Variants in ADAM7 observed in about 807,000 individuals in gnomAD.
ADAM7 encodes disintegrin and metalloproteinase domain-containing protein 7.
Under a neutral mutation model 102.9 loss-of-function variants are expected in ADAM7, and 97 were observed. The ratio of observed to expected loss-of-function variants is 0.94; its 90% CI spans 0.80 to 1.12. The LOEUF (loss-of-function observed/expected upper bound fraction) is 1.12, where lower values mean the gene tolerates loss of function less well. ADAM7 is among the 50% of genes most tolerant of loss of function. The pLI is 0.00. For missense variants in ADAM7, 991 were observed against 908.7 expected (o/e 1.09, Z -1.16); for synonymous variants, 334 against 304.4 (o/e 1.10, Z -1.01).
At chr8:24,502,416 TATC>T (rs1174849436) in intron 20 of ADAM7, among the ~76,000 whole-genome samples, 2 of 151,726 alleles carry the variant, frequency 1.3e-5, no homozygotes, top group African/African-American at 2.4e-5. Flanking sequence ...AAAAAGTAAA[TATC>T]AGATTGATCA....
Position 24,490,867 on chromosome 8 carries a change from A to G in ADAM7, c.1335A>G (p.Gly445=). 6.2e-7 allele frequency: 1 copy of G among 1,613,652 alleles called. No homozygotes were observed. The highest frequency in any genetic ancestry group is 8.5e-7 in the Non-Finnish European group (1 of 1,179,720). ...VLKPGFTCAE[G]ECCESCQIKK... The stretch of plus-strand genomic sequence containing the variant: ...AGCCAGGATTTACTTGTGCAGAAGG[A>G]GAATGCTGTGAATCTTGTCAGGTAA... Residue 445 remains glycine (G), a synonymous_variant, in exon 13 of 22, where the codon GGA becomes GGG. Coordinates refer to ENST00000175238, the MANE Select transcript of ADAM7 (RefSeq NM_003817.4).
At chr8:24,498,977 CTAA>C (rs1392974996) in intron 16 of ADAM7, among the ~76,000 whole-genome samples, 2 of 151,928 alleles carry the variant, frequency 1.3e-5, no homozygotes, top group African/African-American at 2.4e-5. Context: ...ATTTTAATAA[CTAA>C]TGAGTTTAAA....
intron 8 of ADAM7, among the ~76,000 whole-genome samples, chr8:24,477,569 A>AGTGTGTGAGTGTGTGTGTGTGTGTGTGT (rs60219377): frequency 2.1e-5 from 3 of 145,570 alleles, no homozygotes; most frequent in African/African-American, 5.1e-5. Context: ...TACCCTCATC[A>AGTGTGTGAGTGTGTGTGTGTGTGTGTGT]GTGTGTGTGT....
chr8:24,507,362 A>G (rs1820986390), intron 20 of ADAM7, 118 bp from the exon 21 acceptor site: 1 of 717,870 alleles, frequency 1.4e-6, no homozygotes, highest in African/African-American at 1.8e-5. Flanking sequence ...GAGCAAGCAG[A>G]GGTGGCCTGC....
At chr8:24,452,008 TGAGA>T (rs1000669218) in intron 3 of ADAM7, among the ~76,000 whole-genome samples, 9 of 152,268 alleles carry the variant, frequency 5.9e-5, no homozygotes, top group African/African-American at 1.9e-4. Flanking sequence ...CACTGTGGTC[TGAGA>T]GACAGTTTGT....
At chr8:24,487,466 G>A (rs1055999081) in intron 11 of ADAM7, 149 bp downstream of exon 11, 3 of 964,316 alleles carry the variant, frequency 3.1e-6, no homozygotes, top group Non-Finnish European at 4.3e-6. Flanking sequence ...GGCCAACATG[G>A]AGAAACCCCA....
At chr8:24,490,976 C>T (rs933326678) in intron 13 of ADAM7, 88 bp downstream of exon 13, 11 of 1,287,394 alleles carry the variant, frequency 8.5e-6, no homozygotes, top group Non-Finnish European at 1.2e-5. Context: ...GACAGCCCTG[C>T]ACCACTGACT....
Position 24,501,502 on chromosome 8 carries a change from G to C in ADAM7, c.2134G>C (p.Glu712Gln). 1 of 1,607,806 alleles carries C rather than the reference G, an allele frequency of 6.2e-7. No homozygotes were observed. The highest frequency in any genetic ancestry group is 8.5e-7 in the Non-Finnish European group (1 of 1,177,912). The part of the protein sequence containing the change: ...QSPPTETLGV[E>Q]NKGYFGDEQQ... ...CCCACCTACAGAAACCCTGGGAGTG[G>C]AGAACAAAGGATACTTTGGTGATGA... Residue 712 changes from glutamate (E) to glutamine (Q), a missense_variant, in exon 20 of 22, where the codon GAG becomes CAG. Coordinates refer to ENST00000175238, the MANE Select transcript of ADAM7 (RefSeq NM_003817.4).
Position 24,506,160 on chromosome 8 carries a change from C to T in ADAM7, c.2209-1320C>T, listed in dbSNP as rs771482893. On this transcript the variant is annotated intron_variant, in intron 20 of 21. Coordinates refer to ENST00000175238, the MANE Select transcript of ADAM7 (RefSeq NM_003817.4). The stretch of plus-strand genomic sequence containing the variant: ...AAGTCCCCACTACATCACACTGGTA[C>T]GTTCCCCTCCCCTTCCTCTTGGTGG... 1.6e-5 allele frequency: 24 copies of T among 1,547,156 alleles called. No homozygotes were observed. In the East Asian group the frequency reaches 1.7e-4, roughly 11 times the overall value.
At chr8:24,496,527 G>T (rs1252593614) in intron 16 of ADAM7, among the ~76,000 whole-genome samples, 1 of 152,218 alleles carries the variant, frequency 6.6e-6, no homozygotes, top group Admixed American at 6.5e-5. Context: ...GAAGCAGCCA[G>T]AAGGGAGGCT....
At chr8:24,459,241 T>A (rs1585867683) in intron 3 of ADAM7, among the ~76,000 whole-genome samples, 1 of 151,958 alleles carries the variant, frequency 6.6e-6, no homozygotes, top group East Asian at 1.9e-4. Context: ...AGTTTTAAAT[T>A]ACAGTTTTCA....
chr8:24,473,382 G>A (rs1013852420), intron 7 of ADAM7, among the ~76,000 whole-genome samples: 9 of 152,120 alleles, frequency 5.9e-5, no homozygotes, highest in African/African-American at 1.4e-4. Context: ...TGCCTGGTAC[G>A]TGATATTGGG....
At chr8:24,451,100 T>A (rs558233957) in intron 3 of ADAM7, among the ~76,000 whole-genome samples, 1 of 152,060 alleles carries the variant, frequency 6.6e-6, no homozygotes, top group African/African-American at 2.4e-5. Flanking sequence ...AGGATATTGG[T>A]CTAAAATTCT....
intron 3 of ADAM7, among the ~76,000 whole-genome samples, chr8:24,454,793 C>T (rs1190449949): frequency 6.6e-6 from 1 of 152,096 alleles, no homozygotes; most frequent in African/African-American, 2.4e-5. Context: ...ATTCGTCCAT[C>T]TTGGCTGCCC....
chr8:24,503,581 G>A (rs1037587132), intron 20 of ADAM7, among the ~76,000 whole-genome samples: 5 of 152,210 alleles, frequency 3.3e-5, no homozygotes, highest in African/African-American at 9.6e-5. Context: ...GCACACGTAC[G>A]TTTACCGCAG....
chr8:24,484,888 C>T (rs571688748), intron 9 of ADAM7, among the ~76,000 whole-genome samples: 4 of 149,682 alleles, frequency 2.7e-5, no homozygotes, highest in South Asian at 2.1e-4. Context: ...TCACTGCAAC[C>T]TCCGCCTCTC....
intron 11 of ADAM7, among the ~76,000 whole-genome samples, chr8:24,488,415 C>T (rs1028664473): frequency 2.6e-5 from 4 of 152,138 alleles, no homozygotes; most frequent in African/African-American, 9.7e-5. Flanking sequence ...GTGATCAATG[C>T]TTCCACACAT....
Position 24,500,057 on chromosome 8 carries a change from A to C in ADAM7, c.1924-121A>C, listed in dbSNP as rs1585928151. On this transcript the variant is annotated intron_variant, in intron 17 of 21. Transcript: ENST00000175238. ...GTTACACAGTTTAATAAACGAATAA[A>C]AAGTTCGCGCTTGTGCTTGTGTGCA... is the stretch of plus-strand genomic sequence containing the variant. 8.6e-6 allele frequency: 6 copies of C among 697,152 alleles called. No individual in the cohort carries two copies. The South Asian group carries it at 2.2e-4, about 25-fold the overall frequency. The allele number at this position is 697,152 out of a possible 1,614,324, so 43.2% of individuals were successfully genotyped here. A position where few individuals can be genotyped will look rare whatever the true frequency, so the allele number is the denominator to read the frequency against.
chr8:24,484,802 CTTTTT>C (rs544478529), intron 9 of ADAM7, among the ~76,000 whole-genome samples: 8 of 91,948 alleles, frequency 8.7e-5, no homozygotes, highest in South Asian at 4.1e-4. Flanking sequence ...ATTGCACTGG[CTTTTT>C]TTTTTTTTTT....
Sources: gnomAD v4.1 joint callset for allele counts (sites outside exome capture counted in the v4.1 genomes callset) on GRCh38, gnomAD v4.1.1 for gene constraint, MANE v1.5 for transcripts, NCBI Gene and HGNC (gene_info 2026-07-23, HGNC 2026-07-21) for gene names.